The following TNRC18 variants were observed in gnomAD, a reference collection of about 807,000 sequenced individuals.
TNRC18 encodes trinucleotide repeat containing 18.
Under a neutral mutation model 226.7 loss-of-function variants are expected in TNRC18, and 69 were observed. That is an observed-to-expected ratio of 0.30 (90% CI 0.25 to 0.37). The LOEUF (loss-of-function observed/expected upper bound fraction) is 0.37. Ranked by LOEUF, TNRC18 falls within the 10% of genes least tolerant of loss-of-function variation. TNRC18 has a pLI of 1.00. For missense variants in TNRC18, 4,754 were observed against 4,256.6 expected (o/e 1.12, Z -3.25); for synonymous variants, 2,449 against 1,927.6 (o/e 1.27, Z -7.09).
chr7:5,407,770 T>G (rs1160454666), intron 2 of TNRC18, among the ~76,000 whole-genome samples: 1 of 152,226 alleles, frequency 6.6e-6, no homozygotes, highest in African/African-American at 2.4e-5. Context: ...TCAATTCTCA[T>G]GCAATCACAA....
rs766582215 is a variant in TNRC18, at chr7:5,420,920, C to T, written c.187+140G>A. The T allele has an allele frequency of 3.1e-5, 33 of 1,069,994 alleles. 1 individual carries two copies. The South Asian group carries it at 4.1e-4, about 13-fold the overall frequency. The allele number at this position is 1,069,994 out of a possible 1,614,324, so 66.3% of individuals were successfully genotyped here. On this transcript the variant is annotated intron_variant, in intron 2 of 29. Transcript: ENST00000430969. ...CTCCGGGACCAGGAGTTTCCCAGCC[C>T]TGGGAGCCGAGTCTGCCCGCACCCC... is the stretch of plus-strand genomic sequence containing the variant.
chr7:5,420,095 C>G (rs1782456527), intron 2 of TNRC18: 6 of 289,420 alleles, frequency 2.1e-5, no homozygotes, highest in South Asian at 1.6e-4. Flanking sequence ...CTGGAGGTCC[C>G]CGAGTCTCCT....
chr7:5,336,093 G>C (rs1790087638), intron 18 of TNRC18, among the ~76,000 whole-genome samples: 1 of 151,952 alleles, frequency 6.6e-6, no homozygotes, highest in Non-Finnish European at 1.5e-5. Context: ...TGTAATTCCA[G>C]CTACTTGGGA....
Position 5,313,761 on chromosome 7 carries a change from G to C in TNRC18, c.7130C>G (p.Pro2377Arg). The change falls in exon 27 of 30, where the codon CCA becomes CGA. Residue 2377 changes from proline to arginine, a missense_variant. Transcript: ENST00000430969. The stretch of plus-strand genomic sequence containing the variant: ...CTTGGCTCGCTTGTCCACAGGCTCT[G>C]GGGGGCTCTTCTTGGAACCTGGGGT... ...SSTPGSKKSP[P>R]EPVDKRAKAP... 1 of 1,553,676 alleles carries C rather than the reference G, an allele frequency of 6.4e-7. No individual in the cohort carries two copies. The highest frequency in any genetic ancestry group is 2.2e-4 in the Middle Eastern group (1 of 4,542).
In TNRC18 at chr7:5,370,386, T is replaced by C. The variant is rs1381822041; in HGVS notation, c.4208A>G (p.Gln1403Arg). Residue 1403 changes from glutamine to arginine, a missense_variant, in exon 11 of 30, where the codon CAA becomes CGA. By Grantham distance (43) the Gln-to-Arg change is conservative. Transcript: ENST00000430969. Reference protein sequence around the residue: ...IAELELERRSQEMGGAERALV... With the variant: ...IAELELERRSREMGGAERALV... ...TCGCGCACTCTCACCTCCCATCTCT[T>C]GGCTCCTCCTCTCCAGCTCCAGCTC... The C allele has an allele frequency of 2.6e-6, 4 of 1,546,002 alleles. No homozygotes were observed. The highest frequency in any genetic ancestry group is 3.5e-6 in the Non-Finnish European group (4 of 1,144,460).
At chr7:5,339,133 A>T (rs947506765) in intron 18 of TNRC18, among the ~76,000 whole-genome samples, 1 of 151,662 alleles carries the variant, frequency 6.6e-6, no homozygotes, top group African/African-American at 2.4e-5. Flanking sequence ...CCTCTTCTCT[A>T]CAAAAAATTG....
At chr7:5,401,781 G>A (rs544714561) in intron 2 of TNRC18, among the ~76,000 whole-genome samples, 2 of 152,340 alleles carry the variant, frequency 1.3e-5, no homozygotes, top group East Asian at 3.9e-4. Context: ...CACATCGGAG[G>A]TACTCAAGTA....
intron 18 of TNRC18, among the ~76,000 whole-genome samples, chr7:5,343,977 T>G (rs1451118715): frequency 6.6e-6 from 1 of 152,124 alleles, no homozygotes; most frequent in African/African-American, 2.4e-5. Flanking sequence ...CCAATGAAAC[T>G]AATCACGTCT....
Position 5,321,287 on chromosome 7 carries a change from G to C in TNRC18, c.6443-97C>G, listed in dbSNP as rs998675804. On this transcript the variant is annotated intron_variant, in intron 21 of 29. Coordinates refer to ENST00000430969, the MANE Select transcript of TNRC18 (RefSeq NM_001080495.3). ...CCCCAAGTCATCCCCTTGGAATGGA[G>C]GCCCTGGTACCGGGTGGGCCTGTGG... The C allele has an allele frequency of 1.0e-5, 9 of 895,748 alleles. No individual in the cohort carries two copies. In the African/African-American group the frequency reaches 1.2e-4, roughly 11 times the overall value. 55.5% of individuals were successfully genotyped at this position (895,748 alleles called of 1,614,324 possible). A position where few individuals can be genotyped will look rare whatever the true frequency, so the allele number is the denominator to read the frequency against.
intron 18 of TNRC18, among the ~76,000 whole-genome samples, chr7:5,333,931 C>T (rs1348787284): frequency 2.6e-5 from 4 of 152,220 alleles, no homozygotes; most frequent in African/African-American, 9.6e-5. Context: ...GGAAGCAGAT[C>T]CGAGTTCTCT....
Position 5,387,257 on chromosome 7 carries a change from A to G in TNRC18, c.2152+415T>C, listed in dbSNP as rs115484523. Among the ~76,000 whole-genome samples the G allele has an allele frequency of 4.8e-3, 736 of 152,268 alleles. 6 individuals carry two copies. Among genetic ancestry groups the G allele is most frequent in the African/African-American group, 0.016 (681 of 41,540 alleles). ...TTCCTCACTCATTCACTCATCCATC[A>G]AACACCTACTACGTGCCAGAGCCCA... On this transcript the variant is annotated intron_variant, in intron 5 of 29. Transcript: ENST00000430969.
chr7:5,378,869 T>A (rs1252158289), intron 5 of TNRC18, among the ~76,000 whole-genome samples: 2 of 150,718 alleles, frequency 1.3e-5, no homozygotes, highest in Non-Finnish European at 3.0e-5. Context: ...CACGCAGGCC[T>A]GTGTGTCCCA....
intron 17 of TNRC18, among the ~76,000 whole-genome samples, chr7:5,350,805 G>A (rs1791717969): frequency 6.6e-6 from 1 of 152,142 alleles, no homozygotes; most frequent in Non-Finnish European, 1.5e-5. Context: ...AGGACCCCGG[G>A]CTGGGACCAG....
chr7:5,416,977 GTCTCT>G (rs1405432568), intron 2 of TNRC18, among the ~76,000 whole-genome samples: 1 of 15,962 alleles, frequency 6.3e-5, no homozygotes, highest in Non-Finnish European at 2.1e-4. Flanking sequence ...GTAAAACCCT[GTCTCT>G]TAAAAAAAAA....
At chr7:5,329,512 T>C in intron 19 of TNRC18, among the ~76,000 whole-genome samples, 1 of 151,054 alleles carries the variant, frequency 6.6e-6, no homozygotes, top group African/African-American at 2.4e-5. Flanking sequence ...GGTGAAACCA[T>C]GTTTCTACTA....
chr7:5,335,948 T>TATAATCCC (rs71004659), intron 18 of TNRC18, among the ~76,000 whole-genome samples: 1,872 of 151,090 alleles, frequency 0.012, 18 homozygotes, highest in South Asian at 0.019. Flanking sequence ...GGCTCACACC[T>TATAATCCC]ATAATCCCAG....
At chr7:5,350,365 T>C (rs1791657809) in intron 17 of TNRC18, among the ~76,000 whole-genome samples, 1 of 143,274 alleles carries the variant, frequency 7.0e-6, no homozygotes, top group Non-Finnish European at 1.5e-5. Flanking sequence ...TCTCTGCCAA[T>C]TTGGAGGGGA....
At chr7:5,366,827 T>C (rs975823924) in intron 11 of TNRC18, among the ~76,000 whole-genome samples, 1 of 152,152 alleles carries the variant, frequency 6.6e-6, no homozygotes, top group Non-Finnish European at 1.5e-5. Flanking sequence ...CTCTGTCACC[T>C]CCTTCACCCT....
At chr7:5,393,610 GAGGAGGAAGGAGGA>G (rs1021084759) in intron 3 of TNRC18, among the ~76,000 whole-genome samples, 29 of 130,534 alleles carry the variant, frequency 2.2e-4, no homozygotes, top group African/African-American at 6.4e-4. Flanking sequence ...GGACACCTGG[GAGGAGGAAGGAGGA>G]AGGAGGGAGG....
Sources: allele counts gnomAD v4.1 joint callset (sites outside exome capture counted in the v4.1 genomes callset), GRCh38; gene constraint gnomAD v4.1.1; transcripts MANE v1.5; gene names NCBI Gene and HGNC (gene_info 2026-07-23, HGNC 2026-07-21).